POLA1: variants seen among roughly 807,000 people sequenced by gnomAD.
POLA1 encodes the protein DNA polymerase alpha 1, catalytic subunit, also known as DNA polymerase alpha catalytic subunit.
POLA1 carries 15 observed loss-of-function variants against 124.0 expected under a neutral mutation model. The ratio of observed to expected loss-of-function variants is 0.12; its 90% CI spans 0.08 to 0.19. The LOEUF (loss-of-function observed/expected upper bound fraction) is 0.19. Among genes scored for constraint, POLA1 ranks in the 10% least tolerant of loss-of-function variants. POLA1 has a pLI of 1.00. For missense variants in POLA1, 886 were observed against 1,103.4 expected (o/e 0.80, Z 2.79); for synonymous variants, 408 against 389.4 (o/e 1.05, Z -0.56).
chrX:24,950,643 A>G (rs1240769891), intron 36 of POLA1, among the ~76,000 whole-genome samples: 1 of 112,200 alleles, frequency 8.9e-6, no homozygotes, highest in Non-Finnish European at 1.9e-5. Context: ...AAGATTTTGA[A>G]TCATACACAG....
intron 4 of POLA1, among the ~76,000 whole-genome samples, chrX:24,713,773 T>C (rs1011362460): frequency 1.7e-4 from 19 of 112,674 alleles, no homozygotes; most frequent in African/African-American, 6.1e-4. Context: ...TGATATGACA[T>C]ACTGTGTATC....
chrX:24,905,212 C>T (rs1057247205), intron 35 of POLA1, among the ~76,000 whole-genome samples: 2 of 109,496 alleles, frequency 1.8e-5, no homozygotes, highest in Admixed American at 2.0e-4. Context: ...GCTGAACTGA[C>T]ATTGGCGACA....
intron 34 of POLA1, among the ~76,000 whole-genome samples, chrX:24,887,764 G>GA (rs756959171): frequency 1.4e-4 from 14 of 103,004 alleles, no homozygotes; most frequent in South Asian, 4.3e-4. Context: ...TTTCTTTTAA[G>GA]AAAAAAAAAT....
At chrX:24,736,359 G>C (rs1931275770) in intron 18 of POLA1, among the ~76,000 whole-genome samples, 1 of 111,642 alleles carries the variant, frequency 9.0e-6, no homozygotes, top group African/African-American at 3.3e-5. Context: ...TATCTTTAAA[G>C]TTCCAAAAAG....
At chrX:24,929,710 A>G (rs1192481245) in intron 35 of POLA1, among the ~76,000 whole-genome samples, 2 of 112,349 alleles carry the variant, frequency 1.8e-5, no homozygotes, top group Non-Finnish European at 1.9e-5. Context: ...TTTTTCCCAC[A>G]CAGAGTGAGA....
chrX:24,963,709 T>C (rs1450621504), intron 36 of POLA1, among the ~76,000 whole-genome samples: 1 of 111,753 alleles, frequency 8.9e-6, no homozygotes, highest in Non-Finnish European at 1.9e-5. Context: ...TCTACAATAA[T>C]ACAGAACTCT....
At chrX:24,818,078 A>G (rs547971823) in intron 30 of POLA1, among the ~76,000 whole-genome samples, 1 of 110,272 alleles carries the variant, frequency 9.1e-6, no homozygotes, top group South Asian at 3.9e-4. Context: ...GAAAAACAGC[A>G]TGTGTGATTT....
intron 36 of POLA1, among the ~76,000 whole-genome samples, chrX:24,980,382 G>T (rs1276756066): frequency 8.9e-6 from 1 of 112,154 alleles, no homozygotes; most frequent in Non-Finnish European, 1.9e-5. Context: ...GCTCTGTCAG[G>T]CACAGAATTA....
At chrX:24,820,387 G>A (rs780191410) in intron 30 of POLA1, among the ~76,000 whole-genome samples, 2 of 111,723 alleles carry the variant, frequency 1.8e-5, no homozygotes, top group South Asian at 7.6e-4. Context: ...TCATCCAGCA[G>A]TACCCTGGTC....
At chrX:24,991,426 T>C (rs779469812) in intron 36 of POLA1, among the ~76,000 whole-genome samples, 1 of 112,879 alleles carries the variant, frequency 8.9e-6, no homozygotes, top group African/African-American at 3.2e-5. Context: ...TCTTACCTTC[T>C]ATTCTTGTCT....
chrX:24,792,861 T>C (rs1237436067), intron 26 of POLA1, among the ~76,000 whole-genome samples: 1 of 111,916 alleles, frequency 8.9e-6, no homozygotes, highest in Non-Finnish European at 1.9e-5. Context: ...AGTCTTCTAC[T>C]ATTTTTCATT....
intron 4 of POLA1, among the ~76,000 whole-genome samples, chrX:24,709,047 C>A (rs1336309723): frequency 1.4e-4 from 12 of 88,194 alleles, no homozygotes; most frequent in Admixed American, 5.0e-4. Flanking sequence ...CCAGACGGGG[C>A]GGCTGGCCGG....
At chrX:24,741,953 T>G in intron 21 of POLA1, 49 bp from the exon 22 acceptor site, 7 of 1,121,048 alleles carry the variant, frequency 6.2e-6, no homozygotes, top group Non-Finnish European at 8.4e-6. Context: ...GTTGCTTTTG[T>G]TAGTTGTGGT....
intron 34 of POLA1, among the ~76,000 whole-genome samples, chrX:24,870,191 A>G (rs978554288): frequency 5.5e-4 from 61 of 111,756 alleles, no homozygotes; most frequent in Non-Finnish European, 8.3e-4. Flanking sequence ...ATGATCTTCA[A>G]TGTTTTAGTG....
At chrX:24,710,064 T>C (rs992523586) in intron 4 of POLA1, among the ~76,000 whole-genome samples, 1 of 102,842 alleles carries the variant, frequency 9.7e-6, no homozygotes, top group Non-Finnish European at 2.0e-5. Flanking sequence ...TCGGGCCCCG[T>C]GGGGCCCGTC....
intron 19 of POLA1, among the ~76,000 whole-genome samples, chrX:24,739,026 C>T (rs1263014762): frequency 9.0e-6 from 1 of 111,135 alleles, no homozygotes; most frequent in African/African-American, 3.3e-5. Context: ...TACCCCATTA[C>T]CCTATTTAAG....
intron 30 of POLA1, among the ~76,000 whole-genome samples, chrX:24,820,712 GT>G (rs1314702695): frequency 3.7e-3 from 372 of 99,922 alleles, no homozygotes; most frequent in African/African-American, 0.01. Flanking sequence ...TATTTTAGAG[GT>G]TTTTTTTTTT....
At chrX:24,958,678 A>C (rs1476665140) in intron 36 of POLA1, among the ~76,000 whole-genome samples, 1 of 111,976 alleles carries the variant, frequency 8.9e-6, no homozygotes, top group East Asian at 2.8e-4. Context: ...CTGTAGTAAC[A>C]CACACACACA....
In POLA1 at chrX:24,749,055, A is replaced by AGT. The variant is rs764160075; in HGVS notation, c.2964+67_2964+68dup. 566 of 890,560 alleles carry AGT rather than the reference A, an allele frequency of 6.4e-4. 1 individual carries two copies. In the East Asian group the frequency reaches 0.015, roughly 24 times the overall value. 73.4% of individuals were successfully genotyped at this position (890,560 alleles called of 1,213,427 possible). A position where few individuals can be genotyped will look rare whatever the true frequency, so the allele number is the denominator to read the frequency against. On this transcript the variant is annotated intron_variant, in intron 26 of 36. Transcript: ENST00000379068. ...GAGTATTTTTAACTATACATGTTAT[A>AGT]GTGTGGGAGAGTCAAGTTTATTACC...
Sources: gnomAD v4.1 joint callset for allele counts (sites outside exome capture counted in the v4.1 genomes callset) on GRCh38, gnomAD v4.1.1 for gene constraint, MANE v1.5 for transcripts, NCBI Gene and HGNC (gene_info 2026-07-23, HGNC 2026-07-21) for gene names.